Variants in TSPAN9 observed in about 807,000 individuals in gnomAD.
TSPAN9 encodes the protein tetraspanin-9.
A neutral mutation model predicts 31.0 loss-of-function variants in TSPAN9; 16 were observed. That is an observed-to-expected ratio of 0.52 (90% CI 0.35 to 0.78). The LOEUF (loss-of-function observed/expected upper bound fraction) is 0.78, where lower values mean the gene tolerates loss of function less well. Ranked by LOEUF, TSPAN9 falls within the 30% of genes least tolerant of loss-of-function variation. The pLI, the probability that TSPAN9 is intolerant of heterozygous loss-of-function variation, is 0.01. For missense variants in TSPAN9, 272 were observed against 312.5 expected (o/e 0.87, Z 0.98); for synonymous variants, 145 against 121.6 (o/e 1.19, Z -1.27).
Position 3,188,558 on chromosome 12 carries a change from GGCA to G in TSPAN9, c.-17-12614_-17-12612del, listed in dbSNP as rs372027533. 6.0e-3 allele frequency among the ~76,000 whole-genome samples: 914 copies of G among 152,266 alleles called. 10 individuals are homozygous for G. Among genetic ancestry groups the G allele is most frequent in the African/African-American group, 0.021 (856 of 41,544 alleles). On this transcript the variant is annotated intron_variant, in intron 2 of 8. Coordinates refer to ENST00000011898, the MANE Select transcript of TSPAN9 (RefSeq NM_006675.5). ...GTGGCTTCGGGCTGGCATTTCCTCT[GGCA>G]GCAGTGTGGGGGAGGGGAAGAGCAG...
At chr12:3,121,337 AAC>A (rs200387122) in intron 2 of TSPAN9, among the ~76,000 whole-genome samples, 4,460 of 83,050 alleles carry the variant, frequency 0.054, 366 homozygotes, top group African/African-American at 0.16. Context: ...GATTTTTCAA[AAC>A]AGGGGATGTT....
At chr12:3,238,259 A>G (rs1165912700) in intron 3 of TSPAN9, among the ~76,000 whole-genome samples, 1 of 152,160 alleles carries the variant, frequency 6.6e-6, no homozygotes, top group South Asian at 2.1e-4. Flanking sequence ...CTGCTTCTGC[A>G]TCTGTGTCCT....
At chr12:3,255,546 C>T (rs1862329647) in intron 3 of TSPAN9, among the ~76,000 whole-genome samples, 1 of 152,242 alleles carries the variant, frequency 6.6e-6, no homozygotes, top group Admixed American at 6.5e-5. Flanking sequence ...GGCACATGGC[C>T]TTTGTAAGCT....
chr12:3,239,549 G>A (rs1270164055), intron 3 of TSPAN9, among the ~76,000 whole-genome samples: 1 of 152,224 alleles, frequency 6.6e-6, no homozygotes, highest in East Asian at 1.9e-4. Flanking sequence ...GCCCGAGTTG[G>A]ATCCCAGCAA....
chr12:3,213,827 A>C (rs1312717064), intron 3 of TSPAN9, among the ~76,000 whole-genome samples: 1 of 152,172 alleles, frequency 6.6e-6, no homozygotes, highest in Non-Finnish European at 1.5e-5. Flanking sequence ...GAGACTTCTC[A>C]CAACTTGGGG....
Position 3,113,271 on chromosome 12 carries a change from G to A in TSPAN9, c.-18+29552G>A, listed in dbSNP as rs184413888. Among the ~76,000 whole-genome samples, 258 of 152,290 alleles carry A rather than the reference G, an allele frequency of 1.7e-3. 4 individuals carry two copies. In the South Asian group the frequency reaches 0.035, roughly 21 times the overall value. ...AGGGCATGTGTGGTGGGGAGGGAGA[G>A]CATCTCCAGTCAGTCACATCTGATG... On this transcript the variant is annotated intron_variant, in intron 2 of 8. Transcript: ENST00000011898.
At chr12:3,270,748 A>C (rs1280590805) in intron 3 of TSPAN9, among the ~76,000 whole-genome samples, 1 of 152,240 alleles carries the variant, frequency 6.6e-6, no homozygotes, top group Non-Finnish European at 1.5e-5. Context: ...GGCTGTCCCC[A>C]AAGTCTCGGA....
intron 3 of TSPAN9, among the ~76,000 whole-genome samples, chr12:3,209,984 AAATT>A (rs1247194695): frequency 0.14 from 12,417 of 90,066 alleles, 3,519 homozygotes; most frequent in South Asian, 0.24. Context: ...AAAAAAAAAA[AAATT>A]AGCCGGGTGT....
At chr12:3,254,574 A>G (rs1862310237) in intron 3 of TSPAN9, among the ~76,000 whole-genome samples, 1 of 152,220 alleles carries the variant, frequency 6.6e-6, no homozygotes, top group Non-Finnish European at 1.5e-5. Flanking sequence ...CGTTCTGATG[A>G]TGATGATGAC....
intron 2 of TSPAN9, among the ~76,000 whole-genome samples, chr12:3,132,835 C>A (rs916706339): frequency 1.2e-4 from 19 of 152,078 alleles, no homozygotes; most frequent in African/African-American, 4.1e-4. Flanking sequence ...TCAGCCTCAT[C>A]GTCCCCACCG....
At chr12:3,142,580 G>T (rs373158879) in intron 2 of TSPAN9, among the ~76,000 whole-genome samples, 1 of 152,232 alleles carries the variant, frequency 6.6e-6, no homozygotes, top group Non-Finnish European at 1.5e-5. Context: ...AATCCGATCC[G>T]AGGCTCAGCA....
At position 3,226,763 on chromosome 12, in the gene TSPAN9, TA is replaced by T. The variant is rs1565622488; in HGVS notation, c.63+25508del. On this transcript the variant is annotated intron_variant, in intron 3 of 8. Transcript: ENST00000011898. ...GTGTGTGTATATATATATATATATA[TA>T]TATATATATATATATATATATATAT... Among the ~76,000 whole-genome samples the T allele has an allele frequency of 9.6e-3, 22 of 2,294 alleles. 4 individuals are homozygous for T. Among genetic ancestry groups the T allele is most frequent in the African/African-American group, 0.03 (22 of 736 alleles). 1.5% of individuals were successfully genotyped at this position (2,294 alleles called of 152,430 possible). A position where few individuals can be genotyped will look rare whatever the true frequency, so the allele number is the denominator to read the frequency against.
intron 3 of TSPAN9, among the ~76,000 whole-genome samples, chr12:3,257,434 G>T (rs551793115): frequency 7.2e-5 from 11 of 152,018 alleles, no homozygotes; most frequent in African/African-American, 2.7e-4. Flanking sequence ...CCAGGACTGT[G>T]AAATCTGGTT....
At position 3,283,186 on chromosome 12, in the gene TSPAN9, C is replaced by T; in HGVS notation, c.*70C>T. On this transcript the variant is annotated 3_prime_UTR_variant, in exon 9 of 9. Coordinates refer to ENST00000011898, the MANE Select transcript of TSPAN9 (RefSeq NM_006675.5). ...GGGAAGAGGATTGAGCTTTGTGTCA[C>T]CTGCCTGCGCTCTCCAGATATGACC... 1 of 1,516,518 alleles carries T rather than the reference C, an allele frequency of 6.6e-7. No individual in the cohort carries two copies. Among genetic ancestry groups the T allele is most frequent in the Non-Finnish European group, 9.0e-7 (1 of 1,107,948 alleles). The allele number at this position is 1,516,518 out of a possible 1,614,324, so 93.9% of individuals were successfully genotyped here.
chr12:3,168,644 G>A lies in TSPAN9; in HGVS notation c.-17-32533G>A, dbSNP rs906823041. ...TGCTGCATCCAATCTCTTTACGAAT[G>A]GATGTCTCAAGAGCAGTTACAGGCA... is the stretch of plus-strand genomic sequence containing the variant. On this transcript the variant is annotated intron_variant, in intron 2 of 8. Transcript: ENST00000011898. This position sits in a 1 kb window ranked among gnomAD's most constrained non-coding sequence, Gnocchi z 4.0. Among the ~76,000 whole-genome samples the A allele has an allele frequency of 1.3e-5, 2 of 152,178 alleles. No individual in the cohort carries two copies. The highest frequency in any genetic ancestry group is 6.5e-5 in the Admixed American group (1 of 15,272).
intron 2 of TSPAN9, among the ~76,000 whole-genome samples, chr12:3,102,554 C>T (rs988536735): frequency 2.0e-5 from 3 of 151,894 alleles, no homozygotes; most frequent in African/African-American, 7.3e-5. Context: ...TCTCCTGCCT[C>T]AGCCTCCTGA....
At chr12:3,144,543 A>C (rs1591646802) in intron 2 of TSPAN9, among the ~76,000 whole-genome samples, 1 of 152,202 alleles carries the variant, frequency 6.6e-6, no homozygotes, top group Non-Finnish European at 1.5e-5. Context: ...CTTCCCCTAG[A>C]GGCTGCAGAG....
chr12:3,229,196 G>A lies in TSPAN9; in HGVS notation c.63+27940G>A, dbSNP rs369847904. Among the ~76,000 whole-genome samples the A allele has an allele frequency of 2.0e-3, 304 of 152,346 alleles. 1 individual carries two copies. The highest frequency in any genetic ancestry group is 6.9e-3 in the African/African-American group (287 of 41,576). On this transcript the variant is annotated intron_variant, in intron 3 of 8. Coordinates refer to ENST00000011898, the MANE Select transcript of TSPAN9 (RefSeq NM_006675.5). Reference sequence around the variant, plus strand: ...GCATCCCCAGCTACTGTGGGCACAGGGGACAGGGGTTGGGGGGTTGGTCCC... The same window carrying A: ...GCATCCCCAGCTACTGTGGGCACAGAGGACAGGGGTTGGGGGGTTGGTCCC...
chr12:3,140,614 A>G (rs550434884), intron 2 of TSPAN9, among the ~76,000 whole-genome samples: 2 of 152,176 alleles, frequency 1.3e-5, no homozygotes, highest in East Asian at 1.9e-4. Flanking sequence ...TTGGGGTTCG[A>G]TGATGAATGC....
Sources: allele counts gnomAD v4.1 joint callset (sites outside exome capture counted in the v4.1 genomes callset), GRCh38; gene constraint gnomAD v4.1.1; non-coding constraint Gnocchi (gnomAD v3.1); transcripts MANE v1.5; gene names NCBI Gene and HGNC (gene_info 2026-07-23, HGNC 2026-07-21).